ZNF267: variants seen among roughly 807,000 people sequenced by gnomAD.
ZNF267 encodes zinc finger protein 267, also known as zinc finger (C2H2).
A neutral mutation model predicts 71.6 loss-of-function variants in ZNF267; 61 were observed. The observed-to-expected ratio is 0.85, with a 90% CI of 0.69 to 1.05. The LOEUF (loss-of-function observed/expected upper bound fraction) is 1.05. ZNF267 is among the 50% of genes least tolerant of loss of function. The pLI is 0.00. For synonymous variants in ZNF267, 288 were observed against 293.2 expected (o/e 0.98, Z 0.18); for missense variants, 852 against 870.0 (o/e 0.98, Z 0.26).
intron 3 of ZNF267, among the ~76,000 whole-genome samples, chr16:31,905,378 T>C (rs1278733078): frequency 1.3e-5 from 2 of 152,208 alleles, no homozygotes; most frequent in Non-Finnish European, 2.9e-5. Flanking sequence ...TCCTGCAGAG[T>C]GTTTTCCAAC....
Position 31,915,409 on chromosome 16 carries a change from A to C in ZNF267, c.1160A>C (p.Lys387Thr). ...ENLYKCKACS[K>T]SFTRSSNLIV... ...CTTTACAAATGTAAAGCATGTAGCA[A>C]ATCTTTTACTCGTTCCTCCAATCTT... The change falls in exon 4 of 4, where the codon AAA (lysine) becomes ACA (threonine). Residue 387 changes from lysine (K) to threonine (T), a missense_variant. Coordinates refer to ENST00000300870, the MANE Select transcript of ZNF267 (RefSeq NM_003414.6). The C allele has an allele frequency of 6.2e-7, 1 of 1,613,826 alleles. No individual in the cohort carries two copies. Among genetic ancestry groups the C allele is most frequent in the South Asian group, 1.1e-5 (1 of 91,036 alleles).
chr16:31,898,269 G>T lies in ZNF267; in HGVS notation c.226+13013G>T, dbSNP rs566154843. ...CAGTTTTTGATGTAATGTATATTTT[G>T]TCTGATAGTATTTTACTTTGCATTT... On this transcript the variant is annotated intron_variant, in intron 3 of 3. Transcript: ENST00000300870. 1.1e-4 allele frequency among the ~76,000 whole-genome samples: 17 copies of T among 152,096 alleles called. No homozygotes were observed. In the South Asian group the frequency reaches 3.1e-3, roughly 28 times the overall value.
intron 3 of ZNF267, among the ~76,000 whole-genome samples, chr16:31,910,266 A>C (rs2084125999): frequency 6.6e-6 from 1 of 151,868 alleles, no homozygotes; most frequent in Non-Finnish European, 1.5e-5. Context: ...TACTGGCCTC[A>C]AAGAATGAGT....
intron 1 of ZNF267, among the ~76,000 whole-genome samples, chr16:31,875,703 G>C (rs1254294381): frequency 6.6e-6 from 1 of 152,160 alleles, no homozygotes; most frequent in Non-Finnish European, 1.5e-5. Context: ...ACCGTGACCT[G>C]ACTTGACACT....
intron 2 of ZNF267, 122 bp downstream of exon 2, chr16:31,884,746 T>C (rs888915477): frequency 9.3e-7 from 1 of 1,077,962 alleles, no homozygotes; most frequent in Non-Finnish European, 1.3e-6. Flanking sequence ...AGGAAAAAAA[T>C]AGGGGTTTTG....
At chr16:31,875,749 A>T (rs1172947533) in intron 1 of ZNF267, among the ~76,000 whole-genome samples, 1 of 151,670 alleles carries the variant, frequency 6.6e-6, no homozygotes, top group African/African-American at 2.4e-5. Context: ...CAGCATTACC[A>T]CTCCCTGAGT....
intron 3 of ZNF267, among the ~76,000 whole-genome samples, chr16:31,902,261 T>G (rs946602502): frequency 3.3e-5 from 5 of 152,280 alleles, no homozygotes; most frequent in African/African-American, 1.2e-4. Flanking sequence ...GGCTTAGGAT[T>G]GTCTTGGTGA....
At chr16:31,886,915 T>C (rs1422366127) in intron 3 of ZNF267, among the ~76,000 whole-genome samples, 1 of 152,206 alleles carries the variant, frequency 6.6e-6, no homozygotes, top group Non-Finnish European at 1.5e-5. Context: ...ATACTATTTT[T>C]AATTTTTTTT....
At chr16:31,888,972 C>G (rs1240669766) in intron 3 of ZNF267, among the ~76,000 whole-genome samples, 3 of 151,442 alleles carry the variant, frequency 2.0e-5, no homozygotes, top group South Asian at 4.2e-4. Flanking sequence ...CTGAGTATTT[C>G]TGTCTTCTTT....
At position 31,916,505 on chromosome 16, in the gene ZNF267, T is replaced by A; in HGVS notation, c.*24T>A. On this transcript the variant is annotated 3_prime_UTR_variant, in exon 4 of 4. Transcript: ENST00000300870. ...AAAAATGTAAAACATGGAGCAGATT[T>A]TTTACTTGTTACCCATGTCTTATTG... The A allele has an allele frequency of 6.3e-7, 1 of 1,586,964 alleles. No individual in the cohort carries two copies. Among genetic ancestry groups the A allele is most frequent in the Non-Finnish European group, 8.6e-7 (1 of 1,166,400 alleles).
At position 31,915,793 on chromosome 16, in the gene ZNF267, C is replaced by T. The variant is rs770747607; in HGVS notation, c.1544C>T (p.Thr515Ile). ...CTTACTCAACATCGGAAAATTCATA[C>T]TGGAGAAAATCTTTACAAATGCAAA... Reference protein sequence around the residue: ...SCLTQHRKIHTGENLYKCKVC... With the variant: ...SCLTQHRKIHIGENLYKCKVC... The change falls in exon 4 of 4, where the codon ACT (threonine) becomes ATT (isoleucine). Residue 515 changes from threonine to isoleucine, a missense_variant. Coordinates refer to ENST00000300870, the MANE Select transcript of ZNF267 (RefSeq NM_003414.6). The T allele has an allele frequency of 1.9e-6, 3 of 1,613,228 alleles. No homozygotes were observed. The highest frequency in any genetic ancestry group is 2.5e-6 in the Non-Finnish European group (3 of 1,179,988).
In ZNF267 at chr16:31,914,637, G is replaced by T. The variant is rs770707746; in HGVS notation, c.388G>T (p.Asp130Tyr). 6.2e-7 allele frequency: 1 copy of T among 1,614,002 alleles called. No individual in the cohort carries two copies. Residue 130 changes from aspartate (D) to tyrosine (Y), a missense_variant, in exon 4 of 4, where the codon GAT becomes TAT. Physicochemically the swap from Asp to Tyr is radical, Grantham distance 160 (BLOSUM62 -3). Transcript: ENST00000300870. ...GTGTGAAGGGCACAATGGATGTTATGATGAAAAGACTTTTAAATATGATCA... is the reference window on the plus strand; with the variant it reads ...GTGTGAAGGGCACAATGGATGTTATTATGAAAAGACTTTTAAATATGATCA... Reference protein sequence around the residue: ...EECEGHNGCYDEKTFKYDQFD... With the variant: ...EECEGHNGCYYEKTFKYDQFD...
intron 1 of ZNF267, among the ~76,000 whole-genome samples, chr16:31,881,066 A>G (rs1310149009): frequency 1.3e-5 from 2 of 152,082 alleles, no homozygotes; most frequent in African/African-American, 4.8e-5. Context: ...AAGAGTTGTT[A>G]TTATAATTAT....
intron 3 of ZNF267, chr16:31,894,905 C>G (rs1022975161): frequency 2.4e-5 from 9 of 376,540 alleles, no homozygotes; most frequent in African/African-American, 6.5e-5. Context: ...CGTGTGATTT[C>G]CCCTGGGTTA....
intron 1 of ZNF267, among the ~76,000 whole-genome samples, chr16:31,874,724 C>A (rs149171446): frequency 1.3e-5 from 2 of 152,292 alleles, no homozygotes; most frequent in South Asian, 2.1e-4. Flanking sequence ...CTTAACACTG[C>A]CCAGGGGAAC....
In ZNF267 at chr16:31,917,107, T is replaced by G. The variant is rs1163262177; in HGVS notation, c.*626T>G. On this transcript the variant is annotated 3_prime_UTR_variant, in exon 4 of 4. Transcript: ENST00000300870. ...ATAATTCAGCTTTCAAATCTGTTGC[T>G]GCTTTTCCTTAATCCGTGGTGTTCA... is the stretch of plus-strand genomic sequence containing the variant. 1 of 152,366 alleles carries G rather than the reference T, an allele frequency of 6.6e-6. No homozygotes were observed. Among genetic ancestry groups the G allele is most frequent in the East Asian group, 1.9e-4 (1 of 5,208 alleles). 9.4% of individuals were successfully genotyped at this position (152,366 alleles called of 1,614,324 possible).
chr16:31,915,347 C>T lies in ZNF267; in HGVS notation c.1098C>T (p.Tyr366=). The part of the protein sequence containing the change: ...GKVFNLNCSL[Y]LTKQQQIDTG... ...TCTTTAACCTTAACTGTAGTTTATA[C>T]CTTACTAAACAGCAGCAAATTGATA... Residue 366 remains tyrosine (Y), a synonymous_variant, in exon 4 of 4, where the codon TAC becomes TAT. Transcript: ENST00000300870. The T allele has an allele frequency of 1.9e-6, 3 of 1,613,450 alleles. No individual in the cohort carries two copies. Among genetic ancestry groups the T allele is most frequent in the Non-Finnish European group, 2.5e-6 (3 of 1,179,806 alleles).
chr16:31,900,809 T>A (rs1210471154), intron 3 of ZNF267, among the ~76,000 whole-genome samples: 1 of 150,294 alleles, frequency 6.7e-6, no homozygotes, highest in African/African-American at 2.4e-5. Context: ...TTATTTATTT[T>A]ATTATTATAT....
chr16:31,900,757 C>CTTTTTT (rs35863544), intron 3 of ZNF267, among the ~76,000 whole-genome samples: 1 of 129,728 alleles, frequency 7.7e-6, no homozygotes, highest in Non-Finnish European at 1.6e-5. Flanking sequence ...AGAATTCTTT[C>CTTTTTT]TTTTTTTTTT....
Sources: gnomAD v4.1 joint callset for allele counts (sites outside exome capture counted in the v4.1 genomes callset) on GRCh38, gnomAD v4.1.1 for gene constraint, MANE v1.5 for transcripts, NCBI Gene and HGNC (gene_info 2026-07-23, HGNC 2026-07-21) for gene names.